LRRC4C: variants seen among roughly 807,000 people sequenced by gnomAD.
LRRC4C encodes the protein leucine-rich repeat-containing protein 4C.
A neutral mutation model predicts 33.6 loss-of-function variants in LRRC4C; 5 were observed. The ratio of observed to expected loss-of-function variants is 0.15; its 90% CI spans 0.08 to 0.31. The LOEUF (loss-of-function observed/expected upper bound fraction) is 0.31, where lower values mean the gene tolerates loss of function less well. Among genes scored for constraint, LRRC4C ranks in the 10% least tolerant of loss-of-function variants. LRRC4C has a pLI of 1.00. For missense variants in LRRC4C, 560 were observed against 796.7 expected, an observed-to-expected ratio of 0.70 and a Z score of 3.58; for synonymous variants, 329 against 302.0, an observed-to-expected ratio of 1.09 and a Z score of -0.93.
At chr11:41,044,162 T>C (rs949933379) in intron 1 of LRRC4C, among the ~76,000 whole-genome samples, 1 of 152,086 alleles carries the variant, frequency 6.6e-6, no homozygotes, top group Non-Finnish European at 1.5e-5. Flanking sequence ...TAATGAATAG[T>C]GATATTATTG....
chr11:40,685,891 C>T (rs546988603), intron 2 of LRRC4C, among the ~76,000 whole-genome samples: 9 of 151,624 alleles, frequency 5.9e-5, no homozygotes, highest in African/African-American at 2.2e-4. Context: ...AAGATTCAAT[C>T]GTACAATTAT....
At chr11:40,573,945 A>G (rs961571939) in intron 3 of LRRC4C, among the ~76,000 whole-genome samples, 4 of 152,148 alleles carry the variant, frequency 2.6e-5, no homozygotes, top group Non-Finnish European at 5.9e-5. Flanking sequence ...CAGAGTGGCT[A>G]CTGTTATTTG....
At chr11:40,216,499 T>C (rs570065059) in intron 5 of LRRC4C, among the ~76,000 whole-genome samples, 3 of 152,260 alleles carry the variant, frequency 2.0e-5, no homozygotes, top group East Asian at 3.9e-4. Flanking sequence ...TTCTTCCAGA[T>C]GGAAGACAAT....
chr11:40,835,072 T>TAGTTTTC (rs1458730433), intron 2 of LRRC4C, among the ~76,000 whole-genome samples: 26 of 152,276 alleles, frequency 1.7e-4, no homozygotes, highest in African/African-American at 6.3e-4. Flanking sequence ...TGTAGGACTA[T>TAGTTTTC]AGTTTTCAGT....
At chr11:41,443,810 A>T (rs1439510407) in intron 1 of LRRC4C, among the ~76,000 whole-genome samples, 3 of 134,484 alleles carry the variant, frequency 2.2e-5, no homozygotes, top group African/African-American at 8.4e-5. Context: ...TTTAGCAGAG[A>T]TGGGGTTTCA....
At chr11:40,181,504 G>C (rs1490854758) in intron 5 of LRRC4C, among the ~76,000 whole-genome samples, 3 of 152,154 alleles carry the variant, frequency 2.0e-5, no homozygotes, top group African/African-American at 7.2e-5. Context: ...AACAAGGTCA[G>C]TGTAGCATTC....
chr11:40,173,631 A>T (rs958769359), intron 5 of LRRC4C, among the ~76,000 whole-genome samples: 1 of 152,198 alleles, frequency 6.6e-6, no homozygotes, highest in Non-Finnish European at 1.5e-5. Context: ...TCTATACATT[A>T]TTATGGAAAC....
At chr11:40,186,988 G>A (rs1861454313) in intron 5 of LRRC4C, among the ~76,000 whole-genome samples, 1 of 152,168 alleles carries the variant, frequency 6.6e-6, no homozygotes, top group African/African-American at 2.4e-5. Context: ...GGCAGCAACT[G>A]CTGCCACTGA....
At chr11:40,529,304 T>G (rs1203303050) in intron 3 of LRRC4C, among the ~76,000 whole-genome samples, 1 of 152,096 alleles carries the variant, frequency 6.6e-6, no homozygotes, top group African/African-American at 2.4e-5. Flanking sequence ...TAAGTGAAGT[T>G]GATTGTATAT....
At chr11:41,094,148 T>C (rs1940644238) in intron 1 of LRRC4C, among the ~76,000 whole-genome samples, 1 of 150,650 alleles carries the variant, frequency 6.6e-6, no homozygotes, top group Admixed American at 6.6e-5. Context: ...GACTTGACTC[T>C]CTTCCTTTTA....
At position 40,752,858 on chromosome 11, in the gene LRRC4C, C is replaced by T. The variant is rs77737169; in HGVS notation, c.-406-104580G>A. 7.3e-3 allele frequency among the ~76,000 whole-genome samples: 1,107 copies of T among 152,046 alleles called. 21 individuals carry two copies. Among genetic ancestry groups the T allele is most frequent in the African/African-American group, 0.026 (1,073 of 41,500 alleles). On this transcript the variant is annotated intron_variant, in intron 2 of 6. Transcript: ENST00000528697. ...AGCACTATTCACAAAAGCCAACATACGGAATCAACCTAAGTATCTGTCAAT... is the reference window on the plus strand; with the variant it reads ...AGCACTATTCACAAAAGCCAACATATGGAATCAACCTAAGTATCTGTCAAT...
At chr11:40,922,964 G>A (rs1291081094) in intron 2 of LRRC4C, among the ~76,000 whole-genome samples, 1 of 152,016 alleles carries the variant, frequency 6.6e-6, no homozygotes, top group Non-Finnish European at 1.5e-5. Flanking sequence ...AGCTGGGACT[G>A]CAGGCATACG....
chr11:40,425,687 G>GA (rs1311164167), intron 3 of LRRC4C, among the ~76,000 whole-genome samples: 3 of 152,180 alleles, frequency 2.0e-5, no homozygotes, highest in Non-Finnish European at 4.4e-5. Context: ...AAACAAGCAT[G>GA]AAATAACCAG....
intron 1 of LRRC4C, among the ~76,000 whole-genome samples, chr11:41,440,366 T>C (rs566240768): frequency 2.7e-4 from 41 of 152,228 alleles, no homozygotes; most frequent in African/African-American, 9.6e-4. Flanking sequence ...TGATGGTGAA[T>C]TGGGGCCAGT....
Position 40,337,163 on chromosome 11 carries a change from G to A in LRRC4C, c.-269-17442C>T, listed in dbSNP as rs140559851. Among the ~76,000 whole-genome samples the A allele has an allele frequency of 9.9e-4, 151 of 152,116 alleles. 1 individual carries two copies. Among genetic ancestry groups the A allele is most frequent in the African/African-American group, 3.5e-3 (144 of 41,478 alleles). ...AAAGGAATCACAAGAGCAAAACCCT[G>A]ACGTAGCAAAGTGCTTGGAATTTTC... is the stretch of plus-strand genomic sequence containing the variant. On this transcript the variant is annotated intron_variant, in intron 3 of 6. Coordinates refer to ENST00000528697, the MANE Select transcript of LRRC4C (RefSeq NM_001258419.2).
chr11:40,351,641 C>G (rs910728590), intron 3 of LRRC4C: 21 of 152,006 alleles, frequency 1.4e-4, no homozygotes, highest in Non-Finnish European at 2.6e-4. Flanking sequence ...ACTCTTCCCC[C>G]CTTTCTCACT....
intron 1 of LRRC4C, among the ~76,000 whole-genome samples, chr11:40,960,057 A>G (rs1022589593): frequency 3.3e-5 from 5 of 151,568 alleles, no homozygotes; most frequent in African/African-American, 9.7e-5. Context: ...TAAGGAAGGA[A>G]GGAAAAACAG....
chr11:40,965,150 T>C (rs550432429), intron 1 of LRRC4C, among the ~76,000 whole-genome samples: 15 of 152,326 alleles, frequency 9.8e-5, no homozygotes, highest in African/African-American at 3.6e-4. Flanking sequence ...ATGTGTTTTT[T>C]GGCTGCATAA....
intron 2 of LRRC4C, among the ~76,000 whole-genome samples, chr11:40,916,390 C>A (rs926267284): frequency 1.3e-5 from 2 of 152,118 alleles, no homozygotes; most frequent in African/African-American, 2.4e-5. Flanking sequence ...AGTTCATGTC[C>A]TTTGTAGGGA....
Sources: gnomAD v4.1 joint callset for allele counts (sites outside exome capture counted in the v4.1 genomes callset) on GRCh38, gnomAD v4.1.1 for gene constraint, MANE v1.5 for transcripts, NCBI Gene and HGNC (gene_info 2026-07-23, HGNC 2026-07-21) for gene names.